Variants in DTNA observed in about 807,000 individuals in gnomAD.
DTNA encodes the protein dystrobrevin alpha, also known as dystrophin-related protein 3.
Under a neutral mutation model 100.7 loss-of-function variants are expected in DTNA, and 43 were observed. The observed-to-expected ratio is 0.43, with a 90% confidence interval of 0.33 to 0.55. The LOEUF (loss-of-function observed/expected upper bound fraction) is 0.55. Ranked by LOEUF, DTNA falls within the 20% of genes least tolerant of loss-of-function variation. The pLI is 0.04. For synonymous variants in DTNA, 349 were observed against 347.9 expected (o/e 1.00, Z -0.04); for missense variants, 798 against 953.9 (o/e 0.84, Z 2.15).
chr18:34,670,063 C>A (rs1243330936), intron 1 of DTNA, among the ~76,000 whole-genome samples: 1 of 152,164 alleles, frequency 6.6e-6, no homozygotes, highest in Non-Finnish European at 1.5e-5. Context: ...TTCAGGTATA[C>A]CAACCAGATG....
intron 1 of DTNA, among the ~76,000 whole-genome samples, chr18:34,561,869 T>C (rs191457400): frequency 5.7e-4 from 87 of 152,326 alleles, no homozygotes; most frequent in African/African-American, 1.8e-3. Context: ...ATAAATTTCA[T>C]TTTTGAAACT....
intron 3 of DTNA, among the ~76,000 whole-genome samples, chr18:34,776,395 A>G: frequency 6.6e-6 from 1 of 152,120 alleles, no homozygotes; most frequent in East Asian, 1.9e-4. Flanking sequence ...GTGCAGTGGC[A>G]CGATCTCAGC....
rs1351102850 is a variant in DTNA, at chr18:34,889,163, A to G, written c.*1429A>G. ...AAAAAGCCTGCGACCTATTCAATAC[A>G]TTATGCTTAAATTAGCAGTTTCTCT... On this transcript the variant is annotated 3_prime_UTR_variant, in exon 23 of 23. Transcript: ENST00000444659. 3.0e-6 allele frequency: 3 copies of G among 985,384 alleles called. No individual in the cohort carries two copies. The African/African-American group carries it at 5.2e-5, about 17-fold the overall frequency. 61.0% of individuals were successfully genotyped at this position (985,384 alleles called of 1,614,324 possible).
At chr18:34,604,612 G>T (rs779136698) in intron 1 of DTNA, among the ~76,000 whole-genome samples, 9 of 152,120 alleles carry the variant, frequency 5.9e-5, no homozygotes, top group Non-Finnish European at 1.3e-4. Context: ...TTCTGAAACT[G>T]CCTAGCACCT....
At chr18:34,640,421 C>G (rs919422394) in intron 1 of DTNA, among the ~76,000 whole-genome samples, 1 of 152,212 alleles carries the variant, frequency 6.6e-6, no homozygotes, top group Admixed American at 6.5e-5. Flanking sequence ...CAATAGCTGA[C>G]CCTTGTTGTC....
intron 16 of DTNA, among the ~76,000 whole-genome samples, chr18:34,860,220 GT>G (rs55673388): frequency 0.15 from 11,660 of 80,158 alleles, 1,275 homozygotes; most frequent in African/African-American, 0.23. Flanking sequence ...CTAATTTTTT[GT>G]TTTTTTTTTT....
In DTNA at chr18:34,818,154, T is replaced by A; in HGVS notation, c.710-10T>A. On this transcript the variant is annotated splice_polypyrimidine_tract_variant and intron_variant, in intron 7 of 22. Transcript: ENST00000444659. ...TTTTCTTGGTTTTTCTTCACTTACT[T>A]CCCCCTTAGTCTTCCATCCGGTTGA... The A allele has an allele frequency of 6.2e-7, 1 of 1,613,882 alleles. No individual in the cohort carries two copies. The highest frequency in any genetic ancestry group is 1.1e-5 in the South Asian group (1 of 91,062).
intron 1 of DTNA, among the ~76,000 whole-genome samples, chr18:34,589,057 T>C (rs1378953774): frequency 6.6e-6 from 1 of 151,632 alleles, no homozygotes; most frequent in East Asian, 1.9e-4. Flanking sequence ...AGTATATTTG[T>C]ACATACAGCC....
At chr18:34,659,847 TG>T (rs1486706303) in intron 1 of DTNA, among the ~76,000 whole-genome samples, 1 of 152,248 alleles carries the variant, frequency 6.6e-6, no homozygotes, top group Non-Finnish European at 1.5e-5. Flanking sequence ...CCGCTGCCAG[TG>T]GTGATTGTTT....
chr18:34,838,956 T>TAACTGGTTCAG, intron 13 of DTNA, 119 bp downstream of exon 13: 1 of 807,152 alleles, frequency 1.2e-6, no homozygotes, highest in Non-Finnish European at 2.2e-6. Context: ...GAAGCACTGT[T>TAACTGGTTCAG]AACTGGTTCA....
chr18:34,728,467 T>G (rs2087272753), intron 1 of DTNA, among the ~76,000 whole-genome samples: 1 of 152,154 alleles, frequency 6.6e-6, no homozygotes, highest in African/African-American at 2.4e-5. Flanking sequence ...TTTCCCCACC[T>G]AAAATTTCTA....
At chr18:34,669,818 C>T (rs919235451) in intron 1 of DTNA, among the ~76,000 whole-genome samples, 1 of 152,208 alleles carries the variant, frequency 6.6e-6, no homozygotes, top group Non-Finnish European at 1.5e-5. Context: ...ATGGGCTTCC[C>T]TTTGTGGGTA....
intron 1 of DTNA, among the ~76,000 whole-genome samples, chr18:34,514,409 A>G (rs1054272127): frequency 1.3e-5 from 2 of 152,112 alleles, no homozygotes; most frequent in African/African-American, 2.4e-5. Context: ...TTGCCAGACA[A>G]TGCTGACACT....
chr18:34,838,595 G>C, intron 12 of DTNA, 150 bp from the exon 13 acceptor site: 1 of 699,656 alleles, frequency 1.4e-6, no homozygotes, highest in Non-Finnish European at 2.6e-6. Flanking sequence ...GATTTCACTT[G>C]TGTTTTTCAT....
chr18:34,631,193 C>T (rs921212594), intron 1 of DTNA, among the ~76,000 whole-genome samples: 2 of 152,142 alleles, frequency 1.3e-5, no homozygotes, highest in African/African-American at 4.8e-5. Context: ...TATAATTCTA[C>T]CACTTAGTAG....
chr18:34,756,158 C>G, intron 2 of DTNA, 115 bp downstream of exon 2: 1 of 1,254,630 alleles, frequency 8.0e-7, no homozygotes. Flanking sequence ...ATCCTAAGTT[C>G]CTTTCATGAA....
At chr18:34,502,426 C>G (rs1406231273) in intron 1 of DTNA, among the ~76,000 whole-genome samples, 1 of 151,902 alleles carries the variant, frequency 6.6e-6, no homozygotes, top group African/African-American at 2.4e-5. Flanking sequence ...ATATCTTTTT[C>G]TATATTCTTG....
At chr18:34,671,621 T>G (rs2076766777) in intron 1 of DTNA, among the ~76,000 whole-genome samples, 2 of 152,220 alleles carry the variant, frequency 1.3e-5, no homozygotes, top group Admixed American at 1.3e-4. Context: ...CATGCAAACG[T>G]TTTCTCTCCT....
At chr18:34,721,525 A>C (rs1474217053) in intron 1 of DTNA, among the ~76,000 whole-genome samples, 1 of 152,240 alleles carries the variant, frequency 6.6e-6, no homozygotes, top group African/African-American at 2.4e-5. Context: ...CAAACAAACA[A>C]AAACGTGACG....
Sources: gnomAD v4.1 joint callset for allele counts (sites outside exome capture counted in the v4.1 genomes callset) on GRCh38, gnomAD v4.1.1 for gene constraint, MANE v1.5 for transcripts, NCBI Gene and HGNC (gene_info 2026-07-23, HGNC 2026-07-21) for gene names.